The following MAP1LC3A variants were observed in gnomAD, a reference collection of about 807,000 sequenced individuals.
MAP1LC3A encodes the protein microtubule-associated protein 1 light chain 3 alpha.
A neutral mutation model predicts 15.2 loss-of-function variants in MAP1LC3A; 10 were observed. The ratio of observed to expected loss-of-function variants is 0.66; its 90% CI spans 0.41 to 1.12. MAP1LC3A has a LOEUF of 1.12. Among genes scored for constraint, MAP1LC3A ranks in the 50% most tolerant of loss-of-function variants. The probability of loss-of-function intolerance (pLI) is 0.00; values close to 1 mark genes in which losing one functional copy is unlikely to be tolerated. For synonymous variants in MAP1LC3A, 63 were observed against 64.3 expected (o/e 0.98, Z 0.10); for missense variants, 138 against 167.3 (o/e 0.82, Z 0.97).
Position 34,559,398 on chromosome 20 carries a change from AC to A in MAP1LC3A, c.150del (p.Lys51SerfsTer10). 5 of 1,613,104 alleles carry A rather than the reference AC, an allele frequency of 3.1e-6. No individual in the cohort carries two copies. The highest frequency in any genetic ancestry group is 4.2e-6 in the Non-Finnish European group (5 of 1,179,664). On this transcript the variant is annotated frameshift_variant, in exon 3 of 4. Coordinates refer to ENST00000360668, the MANE Select transcript of MAP1LC3A (RefSeq NM_032514.4). LOFTEE classifies it high-confidence loss of function. The part of the protein sequence containing the change: ...GEKQLPVLDK[T>X]KFLVPDHVNM... ...GAAGCAGCTGCCCGTCCTGGACAAG[AC>A]CAAGTTTTTGGTCCCGGACCATGTC...
chr20:34,553,477 G>A (rs1406914740), intron 2 of MAP1LC3A, among the ~76,000 whole-genome samples: 1 of 152,126 alleles, frequency 6.6e-6, no homozygotes, highest in African/African-American at 2.4e-5. Context: ...GTTGGCCTCA[G>A]TTCAGGGCTG....
At chr20:34,558,272 T>C (rs1225557884), upstream of MAP1LC3A, 1 of 985,416 alleles carries the variant, frequency 1.0e-6, no homozygotes, top group African/African-American at 1.7e-5. This position sits in a 1 kb window ranked among gnomAD's most constrained non-coding sequence, Gnocchi z 4.3. Flanking sequence ...TGGGCGTTCA[T>C]TTCTAGCATC....
At chr20:34,558,159 C>T (rs906789576), upstream of MAP1LC3A, 5 of 981,482 alleles carry the variant, frequency 5.1e-6, no homozygotes, top group Non-Finnish European at 6.1e-6. This position sits in a 1 kb window ranked among gnomAD's most constrained non-coding sequence, Gnocchi z 4.3. Flanking sequence ...GCCTCCAGGT[C>T]CACGATTTCT....
At chr20:34,558,628 T>G, upstream of MAP1LC3A, 1 of 1,221,428 alleles carries the variant, frequency 8.2e-7, no homozygotes, top group Non-Finnish European at 1.0e-6. The surrounding 1 kb of genome is among the most constrained non-coding windows in gnomAD (Gnocchi z 4.3). Flanking sequence ...CGCCGTGACG[T>G]CACGGGTCCG....
intron 1 of MAP1LC3A, among the ~76,000 whole-genome samples, chr20:34,548,287 A>T (rs1568608884): frequency 6.6e-6 from 1 of 152,230 alleles, no homozygotes; most frequent in Non-Finnish European, 1.5e-5. Flanking sequence ...TACGTCACTC[A>T]TAGTGGAGGC....
At chr20:34,552,548 G>A (rs1053725371) in intron 2 of MAP1LC3A, among the ~76,000 whole-genome samples, 2 of 152,256 alleles carry the variant, frequency 1.3e-5, no homozygotes, top group Non-Finnish European at 1.5e-5. Context: ...GTAGCCAGGA[G>A]GCCAGAGGAG....
chr20:34,559,991 C>T lies in MAP1LC3A; in HGVS notation c.*93C>T, dbSNP rs962961146. 9.4e-5 allele frequency: 130 copies of T among 1,383,058 alleles called. No individual in the cohort carries two copies. The highest frequency in any genetic ancestry group is 1.2e-4 in the Non-Finnish European group (126 of 1,023,944). 85.7% of individuals were successfully genotyped at this position (1,383,058 alleles called of 1,614,324 possible). On this transcript the variant is annotated 3_prime_UTR_variant, in exon 4 of 4. Transcript: ENST00000360668. ...GGTTCCTGAACTGAGCTGCCTCTAC[C>T]GTGGTGGGCTGGGCAGGCATGTGCC...
intron 1 of MAP1LC3A, chr20:34,549,857 C>T: frequency 1.3e-6 from 1 of 768,390 alleles, no homozygotes; most frequent in Non-Finnish European, 2.2e-6. Flanking sequence ...AGAGTCAGTC[C>T]CTCCTGCCTC....
chr20:34,560,049 T>G lies in MAP1LC3A; in HGVS notation c.*151T>G. On this transcript the variant is annotated 3_prime_UTR_variant, in exon 4 of 4. Coordinates refer to ENST00000360668, the MANE Select transcript of MAP1LC3A (RefSeq NM_032514.4). ...TCAGAGGGCACCAACCCACCTACTC[T>G]GCCCCTGGGTGGATCCTGGGCCGGT... is the stretch of plus-strand genomic sequence containing the variant. 9.0e-6 allele frequency: 5 copies of G among 558,236 alleles called. No homozygotes were observed. Among genetic ancestry groups the G allele is most frequent in the East Asian group, 5.2e-5 (1 of 19,276 alleles). 34.6% of individuals were successfully genotyped at this position (558,236 alleles called of 1,614,324 possible).
At chr20:34,550,243 G>A (rs1035103704) in intron 2 of MAP1LC3A, among the ~76,000 whole-genome samples, 1 of 152,190 alleles carries the variant, frequency 6.6e-6, no homozygotes, top group Admixed American at 6.5e-5. Context: ...TCGAGGGTGC[G>A]CTTGACCGTG....
At chr20:34,551,034 TCAGGAGTTTGAGAC>T (rs1053593556) in intron 2 of MAP1LC3A, among the ~76,000 whole-genome samples, 5 of 151,400 alleles carry the variant, frequency 3.3e-5, no homozygotes, top group African/African-American at 1.2e-4. Flanking sequence ...GATCAGGAGG[TCAGGAGTTTGAGAC>T]CAGCCTGGGC....
chr20:34,555,016 G>T (rs1270888517), upstream of MAP1LC3A, among the ~76,000 whole-genome samples: 1 of 150,452 alleles, frequency 6.6e-6, no homozygotes, highest in African/African-American at 2.5e-5. Context: ...CCTATTTTTT[G>T]TTGTTGTTGT....
intron 1 of MAP1LC3A, among the ~76,000 whole-genome samples, chr20:34,547,609 C>G (rs761381715): frequency 3.0e-4 from 45 of 151,928 alleles, no homozygotes; most frequent in Non-Finnish European, 5.4e-4. Context: ...ATAGTTCTCA[C>G]AAGAGCTGAT....
At position 34,558,837 on chromosome 20, in the gene MAP1LC3A, C is replaced by A; in HGVS notation, c.-32C>A. On this transcript the variant is annotated 5_prime_UTR_variant, in exon 1 of 4. Coordinates refer to ENST00000360668, the MANE Select transcript of MAP1LC3A (RefSeq NM_032514.4). This position sits in a 1 kb window ranked among gnomAD's most constrained non-coding sequence, Gnocchi z 4.3. The stretch of plus-strand genomic sequence containing the variant: ...GCAGACACATCCCCGCGCCCCAGAG[C>A]CCCGGCCTGCGCGCCCAGCCGGGCC... 1 of 1,431,998 alleles carries A rather than the reference C, an allele frequency of 7.0e-7. No individual in the cohort carries two copies. The highest frequency in any genetic ancestry group is 9.1e-7 in the Non-Finnish European group (1 of 1,099,566). 88.7% of individuals were successfully genotyped at this position (1,431,998 alleles called of 1,614,324 possible).
chr20:34,550,357 G>A (rs1357526403), intron 2 of MAP1LC3A, among the ~76,000 whole-genome samples: 1 of 152,188 alleles, frequency 6.6e-6, no homozygotes. Context: ...ATGGTCTAGA[G>A]GGGGAGATAG....
At position 34,558,951 on chromosome 20, in the gene MAP1LC3A, C is replaced by G. The variant is rs780651766; in HGVS notation, c.40+43C>G. On this transcript the variant is annotated intron_variant, in intron 1 of 3. Transcript: ENST00000360668. The surrounding 1 kb of genome is among the most constrained non-coding windows in gnomAD (Gnocchi z 4.3). ...AGCTGCGAGCTCTGGGGCAGGGGTG[C>G]CGGCCGACCCCGACTGCCGCAGGTG... 19 of 1,350,242 alleles carry G rather than the reference C, an allele frequency of 1.4e-5. No individual in the cohort carries two copies. Among genetic ancestry groups the G allele is most frequent in the Non-Finnish European group, 1.7e-5 (18 of 1,056,500 alleles). The allele number at this position is 1,350,242 out of a possible 1,614,324, so 83.6% of individuals were successfully genotyped here. A position where few individuals can be genotyped will look rare whatever the true frequency, so the allele number is the denominator to read the frequency against.
chr20:34,550,370 C>T (rs1981904094), intron 2 of MAP1LC3A, among the ~76,000 whole-genome samples: 1 of 152,188 alleles, frequency 6.6e-6, no homozygotes, highest in Non-Finnish European at 1.5e-5. Flanking sequence ...GGAGATAGAC[C>T]TTCTAGATGG....
chr20:34,553,496 A>C (rs1982025710), intron 2 of MAP1LC3A, among the ~76,000 whole-genome samples: 1 of 152,134 alleles, frequency 6.6e-6, no homozygotes, highest in Non-Finnish European at 1.5e-5. Context: ...TGAGTCTGAC[A>C]AAAGACAGGT....
intron 2 of MAP1LC3A, among the ~76,000 whole-genome samples, chr20:34,551,019 C>T (rs562144065): frequency 5.3e-5 from 8 of 151,782 alleles, no homozygotes; most frequent in South Asian, 2.1e-4. Context: ...AGGCTGAAAC[C>T]GGTAGATCAG....
Sources: gnomAD v4.1 joint callset for allele counts (sites outside exome capture counted in the v4.1 genomes callset) on GRCh38, gnomAD v4.1.1 for gene constraint, Gnocchi (gnomAD v3.1) non-coding constraint, MANE v1.5 for transcripts, NCBI Gene and HGNC (gene_info 2026-07-23, HGNC 2026-07-21) for gene names.